SPECC1: variants seen among roughly 807,000 people sequenced by gnomAD.
SPECC1 encodes cytospin-B.
In SPECC1, 62 loss-of-function variants were observed where a neutral mutation model predicts 104.1. The observed-to-expected ratio is 0.60, with a 90% confidence interval of 0.49 to 0.74. The LOEUF (loss-of-function observed/expected upper bound fraction) is 0.74. Ranked by LOEUF, SPECC1 falls within the 30% of genes least tolerant of loss-of-function variation. The pLI, the probability that SPECC1 is intolerant of heterozygous loss-of-function variation, is 0.00. For synonymous variants in SPECC1, 513 were observed against 501.6 expected, an observed-to-expected ratio of 1.02 and a Z score of -0.30; for missense variants, 1,306 against 1,310.5, an observed-to-expected ratio of 1.00 and a Z score of 0.05.
chr17:20,211,707 ACAGT>A (rs1452832844), intron 4 of SPECC1, among the ~76,000 whole-genome samples: 6 of 152,184 alleles, frequency 3.9e-5, no homozygotes, highest in African/African-American at 1.2e-4. Flanking sequence ...TTTGGTGGAG[ACAGT>A]CAGATAGTTT....
chr17:20,288,771 C>CTTTTTTTTTTT, intron 12 of SPECC1, among the ~76,000 whole-genome samples: 1 of 73,708 alleles, frequency 1.4e-5, no homozygotes, highest in Non-Finnish European at 2.3e-5. Context: ...AAGGGCACTT[C>CTTTTTTTTTTT]TTTTTTTTTT....
At chr17:20,206,503 G>T (rs11654095) in intron 4 of SPECC1, among the ~76,000 whole-genome samples, 1 of 151,986 alleles carries the variant, frequency 6.6e-6, no homozygotes, top group Admixed American at 6.6e-5. Flanking sequence ...TGACATTTTA[G>T]AAATATTAAA....
At chr17:20,154,240 A>G (rs1330018470) in intron 3 of SPECC1, among the ~76,000 whole-genome samples, 1 of 152,220 alleles carries the variant, frequency 6.6e-6, no homozygotes, top group African/African-American at 2.4e-5. Context: ...TAGTATATGG[A>G]ATGGTGATCA....
rs558884865 is a variant in SPECC1 at position 20,279,309 on chromosome 17, CT to C, written c.2941-17639del. The stretch of plus-strand genomic sequence containing the variant: ...ACGGAGTTGAAGGTTACTTTTCTTT[CT>C]TTTTTTTTTTTTCTTTTTTTTTTTT... On this transcript the variant is annotated intron_variant, in intron 12 of 14. Transcript: ENST00000395527. 7.7e-3 allele frequency among the ~76,000 whole-genome samples: 1,012 copies of C among 131,810 alleles called. 35 individuals carry two copies. The highest frequency in any genetic ancestry group is 0.054 in the Admixed American group (708 of 13,162). The allele number at this position is 131,810 out of a possible 152,430, so 86.5% of individuals were successfully genotyped here.
intron 3 of SPECC1, among the ~76,000 whole-genome samples, chr17:20,153,756 T>C (rs761516859): frequency 7.9e-5 from 12 of 152,224 alleles, no homozygotes; most frequent in Admixed American, 3.9e-4. Flanking sequence ...TTTGAATAAG[T>C]ATGTAACTGT....
intron 3 of SPECC1, chr17:20,156,065 GC>G (rs1027847689): frequency 1.9e-5 from 25 of 1,310,804 alleles, no homozygotes; most frequent in Non-Finnish European, 2.3e-5. Context: ...ACTGGAAGGC[GC>G]CCGGTCCTTT....
At chr17:20,017,239 C>A (rs1394374534) in intron 1 of SPECC1, 3 of 152,318 alleles carry the variant, frequency 2.0e-5, no homozygotes, top group Non-Finnish European at 2.9e-5. Flanking sequence ...TGGGTCTGCA[C>A]TGTCTATATG....
chr17:20,299,568 AAAAAAAAAAAAGAAAAG>A (rs1426914740), intron 13 of SPECC1, among the ~76,000 whole-genome samples: 2 of 118,290 alleles, frequency 1.7e-5, no homozygotes, highest in African/African-American at 6.1e-5. Context: ...AAAAAAAAAA[AAAAAAAAAAAAGAAAAG>A]AAAAAAAACC....
intron 3 of SPECC1, among the ~76,000 whole-genome samples, chr17:20,188,607 G>A (rs1487620836): frequency 2.0e-5 from 3 of 152,070 alleles, no homozygotes; most frequent in East Asian, 1.9e-4. Flanking sequence ...TGATGTGACC[G>A]TTGGGCAAAT....
At chr17:20,128,218 A>G (rs895717328) in intron 3 of SPECC1, among the ~76,000 whole-genome samples, 32 of 152,200 alleles carry the variant, frequency 2.1e-4, no homozygotes, top group Admixed American at 1.5e-3. Flanking sequence ...TGAGAATTCA[A>G]ATACCAGGCG....
At chr17:20,286,872 A>G (rs984215357) in intron 12 of SPECC1, among the ~76,000 whole-genome samples, 7 of 152,158 alleles carry the variant, frequency 4.6e-5, no homozygotes, top group Admixed American at 1.3e-4. Flanking sequence ...GCATGATCCC[A>G]TCGCTGCTGC....
chr17:20,199,117 T>G (rs148517494), intron 3 of SPECC1, among the ~76,000 whole-genome samples: 123 of 138,416 alleles, frequency 8.9e-4, no homozygotes, highest in Admixed American at 2.6e-3. Flanking sequence ...AACAGAGTCT[T>G]ACTCTGTTGC....
chr17:20,225,430 A>G (rs2038141025), intron 4 of SPECC1, among the ~76,000 whole-genome samples: 1 of 152,218 alleles, frequency 6.6e-6, no homozygotes, highest in Non-Finnish European at 1.5e-5. Context: ...GCCAGAACTC[A>G]GATTCTCACT....
chr17:20,171,415 A>G (rs1218099860), intron 3 of SPECC1, among the ~76,000 whole-genome samples: 1 of 152,244 alleles, frequency 6.6e-6, no homozygotes, highest in African/African-American at 2.4e-5. Context: ...TTTTAGTGTA[A>G]ACTATACATT....
intron 12 of SPECC1, among the ~76,000 whole-genome samples, chr17:20,273,698 C>T (rs887875055): frequency 3.3e-5 from 5 of 152,166 alleles, no homozygotes; most frequent in African/African-American, 1.2e-4. Flanking sequence ...GCACCTCTTG[C>T]CACCAATTTC....
chr17:20,163,562 CTCTT>C (rs1366740304), intron 3 of SPECC1, among the ~76,000 whole-genome samples: 8 of 148,936 alleles, frequency 5.4e-5, no homozygotes, highest in African/African-American at 1.8e-4. Context: ...TTCTCTCTCT[CTCTT>C]TTTTTTTTTT....
At chr17:20,202,669 A>G (rs964080074) in intron 3 of SPECC1, among the ~76,000 whole-genome samples, 5 of 152,200 alleles carry the variant, frequency 3.3e-5, no homozygotes, top group African/African-American at 1.2e-4. Context: ...TACATATAAC[A>G]CAAAGTGTGT....
At chr17:20,242,736 G>A (rs541632481) in intron 7 of SPECC1, among the ~76,000 whole-genome samples, 1 of 152,102 alleles carries the variant, frequency 6.6e-6, no homozygotes, top group Non-Finnish European at 1.5e-5. Context: ...TTGCACCCCA[G>A]TTTCACCATT....
At chr17:20,084,738 C>G (rs2047111495) in intron 1 of SPECC1, among the ~76,000 whole-genome samples, 2 of 152,158 alleles carry the variant, frequency 1.3e-5, no homozygotes, top group African/African-American at 4.8e-5. Flanking sequence ...CTGTTTTCTT[C>G]TAGAGGTTTT....
Sources: allele counts gnomAD v4.1 joint callset (sites outside exome capture counted in the v4.1 genomes callset), GRCh38; gene constraint gnomAD v4.1.1; transcripts MANE v1.5; gene names NCBI Gene and HGNC (gene_info 2026-07-23, HGNC 2026-07-21).